C12orf42: variants seen among roughly 807,000 people sequenced by gnomAD.
C12orf42 encodes the protein chromosome 12 open reading frame 42, also known as uncharacterized protein C12orf42.
Under a neutral mutation model 21.6 loss-of-function variants are expected in C12orf42, and 25 were observed. That is an observed-to-expected ratio of 1.16 (90% confidence interval 0.84 to 1.62). C12orf42 has a LOEUF of 1.62. Among genes scored for constraint, C12orf42 ranks in the 40% most tolerant of loss-of-function variants. The pLI is 0.00. For missense variants in C12orf42, 483 were observed against 459.3 expected (o/e 1.05, Z -0.47); for synonymous variants, 174 against 175.0 (o/e 0.99, Z 0.05).
chr12:103,205,097 GCAAA>G, the C12orf42 span, among the ~76,000 whole-genome samples: 1 of 151,994 alleles, frequency 6.6e-6, no homozygotes, highest in African/African-American at 2.4e-5. Context: ...TTAAAAACAA[GCAAA>G]CAACAAAAAA....
intron 2 of C12orf42, among the ~76,000 whole-genome samples, chr12:103,425,128 C>T (rs948674927): frequency 6.6e-6 from 1 of 152,330 alleles, no homozygotes; most frequent in Admixed American, 6.5e-5. Context: ...GCCAGACTGC[C>T]TCTCTAGATT....
At chr12:103,054,844 T>C in the C12orf42 span, among the ~76,000 whole-genome samples, 4 of 151,956 alleles carry the variant, frequency 2.6e-5, no homozygotes, top group Non-Finnish European at 5.9e-5. Context: ...GTGATATTTT[T>C]CATTAGCCTG....
chr12:103,390,387 T>C (rs1022596211), intron 3 of C12orf42, among the ~76,000 whole-genome samples: 2 of 152,198 alleles, frequency 1.3e-5, no homozygotes, highest in Non-Finnish European at 2.9e-5. Flanking sequence ...TCAATAATCA[T>C]CACCACTATT....
the C12orf42 span, among the ~76,000 whole-genome samples, chr12:103,150,688 T>G: frequency 1.3e-5 from 2 of 152,138 alleles, no homozygotes; most frequent in Non-Finnish European, 2.9e-5. Context: ...TGAGTCAAAG[T>G]GACCTGTAGT....
intron 1 of C12orf42, among the ~76,000 whole-genome samples, chr12:103,487,656 A>G (rs893154149): frequency 2.6e-5 from 4 of 152,230 alleles, no homozygotes; most frequent in African/African-American, 9.6e-5. Flanking sequence ...GGGTGCATAT[A>G]TATTTAGGGT....
chr12:103,285,720 A>G (rs555460589), intron 4 of C12orf42, among the ~76,000 whole-genome samples: 1 of 152,378 alleles, frequency 6.6e-6, no homozygotes, highest in East Asian at 1.9e-4. Flanking sequence ...AACTCCAAAT[A>G]GCTGAAAATC....
chr12:103,472,626 A>T (rs1486105675), intron 2 of C12orf42, among the ~76,000 whole-genome samples: 1 of 152,232 alleles, frequency 6.6e-6, no homozygotes, highest in African/African-American at 2.4e-5. Flanking sequence ...TGAGAAAATT[A>T]GCTGGCCCAA....
chr12:103,469,582 G>A (rs138717710), intron 2 of C12orf42, among the ~76,000 whole-genome samples: 24 of 152,230 alleles, frequency 1.6e-4, no homozygotes, highest in African/African-American at 5.5e-4. Context: ...AGACAATATA[G>A]GTGATTTCCA....
intron 2 of C12orf42, among the ~76,000 whole-genome samples, chr12:103,414,547 T>G (rs1273170137): frequency 6.6e-6 from 1 of 152,216 alleles, no homozygotes; most frequent in Non-Finnish European, 1.5e-5. Context: ...CCTCATTTAT[T>G]TGTGTTGCAT....
chr12:103,182,064 G>A, the C12orf42 span, among the ~76,000 whole-genome samples: 2,905 of 152,070 alleles, frequency 0.019, 34 homozygotes, highest in East Asian at 0.028. Context: ...GGTTTTTCTC[G>A]TGTTTTTATT....
chr12:103,149,116 G>T, the C12orf42 span, among the ~76,000 whole-genome samples: 1 of 152,096 alleles, frequency 6.6e-6, no homozygotes, highest in Non-Finnish European at 1.5e-5. Flanking sequence ...CTATTTTGGG[G>T]TCCAATGGAA....
At chr12:103,100,181 T>A in the C12orf42 span, among the ~76,000 whole-genome samples, 2 of 152,226 alleles carry the variant, frequency 1.3e-5, no homozygotes, top group African/African-American at 4.8e-5. Context: ...TGCCTGTGTA[T>A]CCATACATGC....
At chr12:103,128,705 A>G in the C12orf42 span, among the ~76,000 whole-genome samples, 8 of 152,284 alleles carry the variant, frequency 5.3e-5, no homozygotes, top group African/African-American at 1.9e-4. Flanking sequence ...TATGGTAGGC[A>G]CTCAATACAT....
At chr12:103,122,233 T>C in the C12orf42 span, among the ~76,000 whole-genome samples, 72 of 152,268 alleles carry the variant, frequency 4.7e-4, 1 homozygote, top group Middle Eastern at 0.017. Context: ...TGTGACTACT[T>C]CCCCCACTTT....
intron 2 of C12orf42, among the ~76,000 whole-genome samples, chr12:103,440,804 T>C (rs1951186186): frequency 6.6e-6 from 1 of 152,114 alleles, no homozygotes. Context: ...GGCCAAGTTC[T>C]ACAGTGAAAA....
chr12:103,279,054 C>G (rs1198562260), intron 4 of C12orf42, among the ~76,000 whole-genome samples: 1 of 152,164 alleles, frequency 6.6e-6, no homozygotes, highest in African/African-American at 2.4e-5. Flanking sequence ...GGCAGGATTT[C>G]CTTCTCTTTT....
chr12:103,142,417 G>A, the C12orf42 span, among the ~76,000 whole-genome samples: 2 of 152,150 alleles, frequency 1.3e-5, no homozygotes, highest in Admixed American at 6.5e-5. Flanking sequence ...ATATATTTCA[G>A]GGTGCTAATT....
downstream of C12orf42, among the ~76,000 whole-genome samples, chr12:103,298,101 C>T (rs1009632122): frequency 2.3e-4 from 35 of 151,760 alleles, no homozygotes; most frequent in Non-Finnish European, 4.1e-4. Flanking sequence ...GAAGTTCTGG[C>T]CAGGGCAATC....
At chr12:103,216,532 C>CCTGGCTAA in the C12orf42 span, among the ~76,000 whole-genome samples, 1 of 151,920 alleles carries the variant, frequency 6.6e-6, no homozygotes, top group African/African-American at 2.4e-5. Context: ...TGCCACCACG[C>CCTGGCTAA]CTGGCTAATT....
Sources: allele counts gnomAD v4.1 joint callset (sites outside exome capture counted in the v4.1 genomes callset), GRCh38; gene constraint gnomAD v4.1.1; transcripts MANE v1.5; gene names NCBI Gene and HGNC (gene_info 2026-07-23, HGNC 2026-07-21).